The following USP28 variants were observed in gnomAD, a reference collection of about 807,000 sequenced individuals.
USP28 encodes the protein ubiquitin carboxyl-terminal hydrolase 28.
A neutral mutation model predicts 145.0 loss-of-function variants in USP28; 113 were observed. The ratio of observed to expected loss-of-function variants is 0.78; its 90% CI spans 0.67 to 0.91. The LOEUF is 0.91. USP28 is among the 40% of genes least tolerant of loss of function. USP28 has a pLI of 0.00. For synonymous variants in USP28, 447 were observed against 450.9 expected, an observed-to-expected ratio of 0.99 and a Z score of 0.11; for missense variants, 1,201 against 1,289.6, an observed-to-expected ratio of 0.93 and a Z score of 1.05.
intron 21 of USP28, among the ~76,000 whole-genome samples, chr11:113,804,322 G>T (rs1939564754): frequency 6.6e-6 from 1 of 152,182 alleles, no homozygotes; most frequent in Non-Finnish European, 1.5e-5. Flanking sequence ...TTTTACATGG[G>T]ATGCAATTGA....
chr11:113,823,712 A>T lies in USP28; in HGVS notation c.1188-12T>A. ...TCCTGTACATGTACCTAAGTAAATA[A>T]TCCCACAAACACAATTTATATTATA... On this transcript the variant is annotated splice_polypyrimidine_tract_variant and intron_variant, in intron 11 of 24. Transcript: ENST00000003302. The T allele has an allele frequency of 6.3e-7, 1 of 1,576,658 alleles. No individual in the cohort carries two copies. The highest frequency in any genetic ancestry group is 8.6e-7 in the Non-Finnish European group (1 of 1,156,080).
At chr11:113,808,186 A>C (rs770345302) in intron 18 of USP28, 50 bp from the exon 19 acceptor site, 10 of 1,532,176 alleles carry the variant, frequency 6.5e-6, no homozygotes, top group Non-Finnish European at 8.7e-6. Flanking sequence ...GGAGAAATAA[A>C]TAGGGGTTGG....
At chr11:113,827,334 C>T (rs886448827) in exon 11 of USP28, 2 of 1,605,918 alleles carry the variant, frequency 1.2e-6, no homozygotes, top group Non-Finnish European at 1.7e-6. Context: ...CAAAGGTCAA[C>T]ACTGGAGGTA....
chr11:113,853,596 C>T (rs1221859928), intron 2 of USP28, among the ~76,000 whole-genome samples: 1 of 152,028 alleles, frequency 6.6e-6, no homozygotes, highest in African/African-American at 2.4e-5. Flanking sequence ...AACCCATGGC[C>T]CGGCGTGGTG....
intron 12 of USP28, 44 bp from the exon 13 acceptor site, chr11:113,817,881 T>G: frequency 6.3e-7 from 1 of 1,598,816 alleles, no homozygotes; most frequent in Non-Finnish European, 8.5e-7. Context: ...AAGGCTGTTT[T>G]GTATTTTAAG....
At chr11:113,854,713 T>A (rs144172012) in intron 1 of USP28, among the ~76,000 whole-genome samples, 2 of 152,324 alleles carry the variant, frequency 1.3e-5, no homozygotes, top group East Asian at 3.9e-4. Context: ...TGCATTTTTT[T>A]ACTCTAAAGA....
chr11:113,829,509 A>T (rs1191454866), intron 9 of USP28, 164 bp from the exon 10 acceptor site: 2 of 760,036 alleles, frequency 2.6e-6, no homozygotes, highest in Non-Finnish European at 4.1e-6. Flanking sequence ...GTCAATCTAG[A>T]CACTGAACAA....
chr11:113,866,347 A>T (rs1050025429), intron 1 of USP28, among the ~76,000 whole-genome samples: 2 of 152,234 alleles, frequency 1.3e-5, no homozygotes, highest in African/African-American at 4.8e-5. Flanking sequence ...AGAAAGTGAA[A>T]AGACAATGGG....
intron 1 of USP28, among the ~76,000 whole-genome samples, chr11:113,866,271 G>A (rs1948239244): frequency 6.6e-6 from 1 of 152,160 alleles, no homozygotes; most frequent in Non-Finnish European, 1.5e-5. Context: ...CAGCCTAGGT[G>A]ACAGAGCCAG....
intron 1 of USP28, among the ~76,000 whole-genome samples, chr11:113,863,806 A>G (rs1947971434): frequency 6.7e-6 from 1 of 149,198 alleles, no homozygotes; most frequent in South Asian, 2.1e-4. Flanking sequence ...TTAGCCGGGC[A>G]TGGTGGCCGG....
intron 7 of USP28, 56 bp downstream of exon 7, chr11:113,833,364 C>T (rs1273494894): frequency 1.7e-5 from 27 of 1,583,944 alleles, no homozygotes; most frequent in Non-Finnish European, 2.0e-5. Context: ...GAAGCAGTAC[C>T]GCATTAACAC....
intron 12 of USP28, among the ~76,000 whole-genome samples, chr11:113,819,158 G>A (rs1374705229): frequency 6.6e-6 from 1 of 151,296 alleles, no homozygotes; most frequent in Non-Finnish European, 1.5e-5. Flanking sequence ...TGTCACCCAG[G>A]CTGGAGTGCA....
chr11:113,842,203 A>T (rs1945269931), intron 3 of USP28, among the ~76,000 whole-genome samples: 1 of 152,228 alleles, frequency 6.6e-6, no homozygotes, highest in Admixed American at 6.5e-5. Flanking sequence ...TGAAACTCAC[A>T]CGTGATACAA....
chr11:113,870,184 G>T (rs893631427), intron 1 of USP28, among the ~76,000 whole-genome samples: 8 of 151,968 alleles, frequency 5.3e-5, no homozygotes, highest in Non-Finnish European at 8.8e-5. Context: ...CAAGAAAAAA[G>T]TAACAGCAAA....
rs1944068120 is a variant in USP28 at position 113,832,132 on chromosome 11, C to A, written c.760-139G>T. 1.3e-5 allele frequency: 10 copies of A among 750,142 alleles called. No individual in the cohort carries two copies. The South Asian group carries it at 1.9e-4, about 14-fold the overall frequency. The allele number at this position is 750,142 out of a possible 1,614,324, so 46.5% of individuals were successfully genotyped here. On this transcript the variant is annotated intron_variant, in intron 7 of 24. Transcript: ENST00000003302. ...TTTCTTTTCTTTTTTTGTTTTGAGA[C>A]AGGGTCTCACTCTGTCGCCCAGACT...
At chr11:113,840,790 G>A in intron 4 of USP28, 33 bp from the exon 5 acceptor site, 1 of 1,587,768 alleles carries the variant, frequency 6.3e-7, no homozygotes, top group Middle Eastern at 1.7e-4. Context: ...CAGCAAAAAA[G>A]AAAATAGTTA....
At chr11:113,805,186 G>A (rs185774214) in intron 19 of USP28, 140 bp from the exon 21 acceptor site, 3 of 776,504 alleles carry the variant, frequency 3.9e-6, no homozygotes, top group Admixed American at 6.9e-5. Context: ...AAACAACTAT[G>A]GAATTTTTAA....
intron 12 of USP28, chr11:113,821,594 C>A: frequency 5.4e-6 from 1 of 184,284 alleles, no homozygotes; most frequent in East Asian, 1.3e-4. Context: ...GCCATGACAC[C>A]GCAGCTTTCC....
chr11:113,855,526 T>C (rs1157504011), intron 1 of USP28, among the ~76,000 whole-genome samples: 1 of 152,210 alleles, frequency 6.6e-6, no homozygotes, highest in Non-Finnish European at 1.5e-5. Context: ...CTCCCAGCTA[T>C]AATAGAAACA....
Sources: gnomAD v4.1 joint callset for allele counts (sites outside exome capture counted in the v4.1 genomes callset) on GRCh38, gnomAD v4.1.1 for gene constraint, MANE v1.5 for transcripts, NCBI Gene and HGNC (gene_info 2026-07-23, HGNC 2026-07-21) for gene names.